Variants in SLC29A3 observed in about 807,000 individuals in gnomAD.
SLC29A3 encodes the protein solute carrier family 29 member 3, also known as equilibrative nucleoside transporter 3.
A neutral mutation model predicts 25.4 loss-of-function variants in SLC29A3; 18 were observed. The ratio of observed to expected loss-of-function variants is 0.71; its 90% confidence interval spans 0.49 to 1.05. The LOEUF (loss-of-function observed/expected upper bound fraction) is 1.05, where lower values mean the gene tolerates loss of function less well. Among genes scored for constraint, SLC29A3 ranks in the 50% least tolerant of loss-of-function variants. SLC29A3 has a pLI of 0.00. For synonymous variants in SLC29A3, 258 were observed against 267.1 expected (o/e 0.97, Z 0.33); for missense variants, 586 against 609.0 (o/e 0.96, Z 0.40).
intron 2 of SLC29A3, among the ~76,000 whole-genome samples, chr10:71,330,574 T>C (rs1355366041): frequency 6.6e-6 from 1 of 152,186 alleles, no homozygotes; most frequent in Non-Finnish European, 1.5e-5. Context: ...ACTGTGTGGG[T>C]TGGAGGCATG....
chr10:71,343,867 A>G (rs995595756), intron 2 of SLC29A3, among the ~76,000 whole-genome samples: 2 of 152,200 alleles, frequency 1.3e-5, no homozygotes, highest in Admixed American at 1.3e-4. Flanking sequence ...TTTTCTTTTC[A>G]GACATAACAC....
intron 2 of SLC29A3, among the ~76,000 whole-genome samples, chr10:71,337,396 G>T (rs952254694): frequency 7.2e-5 from 11 of 152,232 alleles, no homozygotes; most frequent in African/African-American, 2.4e-4. Flanking sequence ...ATCCGAAAGC[G>T]GCAAGTTTGC....
intron 5 of SLC29A3, among the ~76,000 whole-genome samples, chr10:71,356,626 G>A (rs1846920630): frequency 6.6e-6 from 1 of 152,102 alleles, no homozygotes; most frequent in South Asian, 2.1e-4. Flanking sequence ...AGGAGTTCAA[G>A]ACCCATTCTG....
chr10:71,327,421 A>C (rs1845997361), intron 2 of SLC29A3, among the ~76,000 whole-genome samples: 1 of 152,184 alleles, frequency 6.6e-6, no homozygotes, highest in African/African-American at 2.4e-5. Context: ...TGATAAGAGA[A>C]GATGGCACAG....
At chr10:71,345,782 G>A (rs1236701081) in intron 3 of SLC29A3, among the ~76,000 whole-genome samples, 1 of 152,210 alleles carries the variant, frequency 6.6e-6, no homozygotes, top group Non-Finnish European at 1.5e-5. Flanking sequence ...TCCCGGCTGC[G>A]CCTCGCAGGA....
chr10:71,363,963 G>T (rs1847140989), downstream of SLC29A3, among the ~76,000 whole-genome samples: 1 of 151,992 alleles, frequency 6.6e-6, no homozygotes, highest in African/African-American at 2.4e-5. Context: ...CTAGTAATAG[G>T]CCATTCCAGC....
chr10:71,322,704 C>G, intron 1 of SLC29A3, 52 bp from the exon 2 acceptor site: 1 of 1,608,870 alleles, frequency 6.2e-7, no homozygotes, highest in Non-Finnish European at 8.5e-7. Context: ...TGTCCCCCAG[C>G]CTTGGTTTCT....
chr10:71,367,009 T>C (rs944870670), downstream of SLC29A3, among the ~76,000 whole-genome samples: 47 of 152,336 alleles, frequency 3.1e-4, no homozygotes, highest in African/African-American at 1.1e-3. Context: ...AGAAAGAATT[T>C]CTGCCCCACC....
intron 2 of SLC29A3, among the ~76,000 whole-genome samples, chr10:71,338,996 G>C (rs866087760): frequency 1.8e-4 from 28 of 152,334 alleles, no homozygotes; most frequent in African/African-American, 6.7e-4. Context: ...ACCTCAGCTA[G>C]AGCAGCTTAT....
At chr10:71,380,005 G>A (rs1847290474) in exon 5 of SLC29A3, 1 of 152,310 alleles carries the variant, frequency 6.6e-6, no homozygotes, top group Non-Finnish European at 1.5e-5. Flanking sequence ...TCCTTTCACA[G>A]ATACCTGGAA....
chr10:71,372,708 G>A (rs947740242), intron 3 of SLC29A3, among the ~76,000 whole-genome samples: 1 of 152,196 alleles, frequency 6.6e-6, no homozygotes, highest in African/African-American at 2.4e-5. Context: ...CTTTAATGAA[G>A]CTAATGCATT....
chr10:71,375,017 G>C (rs1472172881), intron 3 of SLC29A3, among the ~76,000 whole-genome samples: 1 of 152,196 alleles, frequency 6.6e-6, no homozygotes, highest in Non-Finnish European at 1.5e-5. Context: ...TCTCACCTAT[G>C]CCTGAGATGG....
At chr10:71,325,374 G>A (rs1589221518) in intron 2 of SLC29A3, among the ~76,000 whole-genome samples, 1 of 152,204 alleles carries the variant, frequency 6.6e-6, no homozygotes, top group Non-Finnish European at 1.5e-5. Flanking sequence ...CCACGCACAT[G>A]TGTGAGATGG....
intron 2 of SLC29A3, among the ~76,000 whole-genome samples, chr10:71,330,296 G>A (rs1191214556): frequency 5.3e-5 from 8 of 152,200 alleles, no homozygotes; most frequent in Admixed American, 5.2e-4. Context: ...CCTACACCTG[G>A]GGTGGCACAA....
intron 3 of SLC29A3, among the ~76,000 whole-genome samples, chr10:71,369,467 A>G (rs1452815007): frequency 1.3e-5 from 2 of 152,212 alleles, no homozygotes; most frequent in South Asian, 2.1e-4. Context: ...TGACTTAAAT[A>G]TGGAATGGTG....
chr10:71,319,945 C>T (rs1845812561), intron 1 of SLC29A3, among the ~76,000 whole-genome samples: 1 of 152,238 alleles, frequency 6.6e-6, no homozygotes, highest in Non-Finnish European at 1.5e-5. Context: ...CCCAGGAGCA[C>T]GTTCCAGGCC....
At chr10:71,319,377 A>G in intron 1 of SLC29A3, 67 bp downstream of exon 1, 1 of 589,852 alleles carries the variant, frequency 1.7e-6, no homozygotes, top group Non-Finnish European at 3.0e-6. Context: ...GCGCTCAGCG[A>G]CCTCCCTCCC....
At chr10:71,378,435 T>A (rs1847277989) in intron 4 of SLC29A3, among the ~76,000 whole-genome samples, 1 of 152,160 alleles carries the variant, frequency 6.6e-6, no homozygotes, top group Non-Finnish European at 1.5e-5. Context: ...TCAACTTGAG[T>A]GCCAGAGGGT....
chr10:71,353,039 T>G (rs1171057488), intron 4 of SLC29A3, among the ~76,000 whole-genome samples: 1 of 152,154 alleles, frequency 6.6e-6, no homozygotes, highest in African/African-American at 2.4e-5. Context: ...TGACAATACT[T>G]TGACAAGGGT....
Sources: gnomAD v4.1 joint callset for allele counts (sites outside exome capture counted in the v4.1 genomes callset) on GRCh38, gnomAD v4.1.1 for gene constraint, MANE v1.5 for transcripts, NCBI Gene and HGNC (gene_info 2026-07-23, HGNC 2026-07-21) for gene names.